YES1: variants seen among roughly 807,000 people sequenced by gnomAD.
YES1 encodes tyrosine-protein kinase Yes.
A neutral mutation model predicts 70.4 loss-of-function variants in YES1; 39 were observed. The ratio of observed to expected loss-of-function variants is 0.55; its 90% CI spans 0.43 to 0.72. The LOEUF (loss-of-function observed/expected upper bound fraction) is 0.72. Ranked by LOEUF, YES1 falls within the 30% of genes least tolerant of loss-of-function variation. The probability of loss-of-function intolerance (pLI) is 0.00; values close to 1 mark genes in which losing one functional copy is unlikely to be tolerated. For synonymous variants in YES1, 198 were observed against 218.6 expected, an observed-to-expected ratio of 0.91 and a Z score of 0.83; for missense variants, 495 against 644.8, an observed-to-expected ratio of 0.77 and a Z score of 2.52.
intron 1 of YES1, among the ~76,000 whole-genome samples, chr18:810,696 T>A (rs1174141150): frequency 1.3e-5 from 2 of 152,194 alleles, no homozygotes; most frequent in Non-Finnish European, 2.9e-5. Context: ...TCCACCGACT[T>A]TTAGCTAATG....
At chr18:737,062 T>G in intron 9 of YES1, 101 bp from the exon 10 acceptor site, 1 of 1,032,662 alleles carries the variant, frequency 9.7e-7, no homozygotes, top group Non-Finnish European at 1.4e-6. Context: ...GAAAATCATA[T>G]TATTTTAGAA....
intron 1 of YES1, among the ~76,000 whole-genome samples, chr18:779,746 T>C (rs537518608): frequency 1.3e-5 from 2 of 152,338 alleles, no homozygotes; most frequent in African/African-American, 4.8e-5. Flanking sequence ...TCCAGTCTTT[T>C]GTCAAGATTT....
chr18:762,127 C>T (rs1288691009), intron 1 of YES1, among the ~76,000 whole-genome samples: 3 of 152,108 alleles, frequency 2.0e-5, no homozygotes, highest in Non-Finnish European at 4.4e-5. Flanking sequence ...TTGAGACCAG[C>T]CTGACCAATG....
chr18:730,343 ATTTT>A (rs59787531), intron 11 of YES1, among the ~76,000 whole-genome samples: 1,387 of 132,266 alleles, frequency 0.01, 20 homozygotes, highest in African/African-American at 0.036. Flanking sequence ...ACCCAAGAGG[ATTTT>A]TTTTTTTTTT....
At chr18:786,861 G>T (rs866953098) in intron 1 of YES1, among the ~76,000 whole-genome samples, 1 of 151,926 alleles carries the variant, frequency 6.6e-6, no homozygotes, top group Non-Finnish European at 1.5e-5. Flanking sequence ...TCTTTGAACA[G>T]AAACACACAT....
chr18:739,907 C>T (rs2080197580), intron 8 of YES1, 96 bp from the exon 9 acceptor site: 2 of 882,780 alleles, frequency 2.3e-6, no homozygotes, highest in Non-Finnish European at 3.2e-6. Context: ...CACAAAACTT[C>T]TTAGCTTTTC....
Position 724,224 on chromosome 18 carries a change from G to T in YES1, c.*200C>A. 1.8e-6 allele frequency: 1 copy of T among 565,216 alleles called. No individual in the cohort carries two copies. The highest frequency in any genetic ancestry group is 3.1e-6 in the Non-Finnish European group (1 of 319,514). The allele number at this position is 565,216 out of a possible 1,614,324, so 35.0% of individuals were successfully genotyped here. ...CTATTTTGTTTGGACCCTGAAATAC[G>T]CTGATAAATTCATCATTGGTACATT... On this transcript the variant is annotated 3_prime_UTR_variant, in exon 12 of 12. Transcript: ENST00000314574.
rs17551227 is a variant in YES1 at position 722,831 on chromosome 18, G to C, written c.*1593C>G. ...ATGTAGGCTGGGCGCGGTGGCTCAC[G>C]CCTGTAATCCCAGCACTTTGGGAGG... On this transcript the variant is annotated 3_prime_UTR_variant, in exon 12 of 12. Coordinates refer to ENST00000314574, the MANE Select transcript of YES1 (RefSeq NM_005433.4). 2 of 152,210 alleles carry C rather than the reference G, an allele frequency of 1.3e-5. No homozygotes were observed. Among genetic ancestry groups the C allele is most frequent in the Non-Finnish European group, 2.9e-5 (2 of 68,064 alleles). The allele number at this position is 152,210 out of a possible 1,614,324, so 9.4% of individuals were successfully genotyped here.
rs577399525 is a variant in YES1 at position 753,750 on chromosome 18, T to C, written c.272-1946A>G. ...ATCTACCTGAGTCGGCCTCCCAAAG[T>C]GCTAGAATTAAAGGTGTGAGCCACC... On this transcript the variant is annotated intron_variant, in intron 2 of 11. Transcript: ENST00000314574. Among the ~76,000 whole-genome samples, 9 of 152,334 alleles carry C rather than the reference T, an allele frequency of 5.9e-5. No individual in the cohort carries two copies. The South Asian group carries it at 1.2e-3, about 21-fold the overall frequency.
At chr18:805,364 T>A (rs1161999627) in intron 1 of YES1, among the ~76,000 whole-genome samples, 2 of 152,098 alleles carry the variant, frequency 1.3e-5, no homozygotes, top group Admixed American at 6.6e-5. Flanking sequence ...TATAAAAAAA[T>A]AAAAAATGGT....
chr18:810,004 TGCA>T (rs1056517955), intron 1 of YES1, among the ~76,000 whole-genome samples: 1 of 148,244 alleles, frequency 6.7e-6, no homozygotes, highest in African/African-American at 2.5e-5. Context: ...AGAATTTCCT[TGCA>T]GGTTTTTTTT....
intron 1 of YES1, among the ~76,000 whole-genome samples, chr18:757,703 T>G (rs1410261563): frequency 2.6e-5 from 4 of 151,502 alleles, no homozygotes; most frequent in African/African-American, 9.7e-5. Context: ...ACACCTGTAA[T>G]CCCAGCTACT....
chr18:747,533 C>T (rs1315618821), intron 4 of YES1, among the ~76,000 whole-genome samples: 2 of 152,152 alleles, frequency 1.3e-5, no homozygotes, highest in African/African-American at 4.8e-5. Context: ...ACCAATATAC[C>T]CATCCCTATC....
chr18:762,887 A>C (rs528717529), intron 1 of YES1, among the ~76,000 whole-genome samples: 4 of 152,378 alleles, frequency 2.6e-5, no homozygotes, highest in African/African-American at 9.6e-5. Flanking sequence ...AATGTGAAAA[A>C]TGCTAGAGTG....
At chr18:795,574 A>T (rs1906495283) in intron 1 of YES1, among the ~76,000 whole-genome samples, 1 of 152,216 alleles carries the variant, frequency 6.6e-6, no homozygotes, top group Non-Finnish European at 1.5e-5. Context: ...CTATGCAGCC[A>T]TAAAAAAGAA....
chr18:785,842 T>A (rs576619049), intron 1 of YES1, among the ~76,000 whole-genome samples: 2 of 150,774 alleles, frequency 1.3e-5, no homozygotes, highest in East Asian at 3.9e-4. Flanking sequence ...GAGGCTGAAG[T>A]AGGGAGGAAC....
chr18:735,306 A>AT (rs2080140165), intron 10 of YES1, among the ~76,000 whole-genome samples: 1 of 152,212 alleles, frequency 6.6e-6, no homozygotes, highest in South Asian at 2.1e-4. Flanking sequence ...ACACCATGGT[A>AT]TACTACTCAG....
At chr18:777,537 T>C (rs966540719) in intron 1 of YES1, among the ~76,000 whole-genome samples, 2 of 152,230 alleles carry the variant, frequency 1.3e-5, no homozygotes, top group African/African-American at 4.8e-5. Flanking sequence ...CCGGGTGCAT[T>C]GGCTCACGCC....
chr18:803,580 T>G (rs1906934577), intron 1 of YES1, among the ~76,000 whole-genome samples: 1 of 152,226 alleles, frequency 6.6e-6, no homozygotes, highest in African/African-American at 2.4e-5. Flanking sequence ...TCACTGCCAC[T>G]AGCAAGCAGG....
Sources: allele counts gnomAD v4.1 joint callset (sites outside exome capture counted in the v4.1 genomes callset), GRCh38; gene constraint gnomAD v4.1.1; transcripts MANE v1.5; gene names NCBI Gene and HGNC (gene_info 2026-07-23, HGNC 2026-07-21).